ZPR1: variants seen among roughly 807,000 people sequenced by gnomAD.
ZPR1 encodes the protein ZPR1 zinc finger, also known as zinc finger protein ZPR1.
In ZPR1, 37 loss-of-function variants were observed where a neutral mutation model predicts 59.6. The ratio of observed to expected loss-of-function variants is 0.62; its 90% confidence interval spans 0.48 to 0.82. ZPR1 has a LOEUF of 0.82. ZPR1 is among the 40% of genes least tolerant of loss of function. The pLI, the probability that ZPR1 is intolerant of heterozygous loss-of-function variation, is 0.00. For synonymous variants in ZPR1, 191 were observed against 215.2 expected (o/e 0.89, Z 0.99); for missense variants, 527 against 579.9 (o/e 0.91, Z 0.94).
Position 116,787,812 on chromosome 11 carries a change from C to T in ZPR1, c.171+8G>A. ...CACCCGCCGCTCGCGGCCGCGCCCC[C>T]GCCTCACATTGCAGTAACAGTTCAT... is the stretch of plus-strand genomic sequence containing the variant. On this transcript the variant is annotated splice_region_variant and intron_variant, in intron 1 of 13. Coordinates refer to ENST00000227322, the MANE Select transcript of ZPR1 (RefSeq NM_003904.5). 2 of 1,551,840 alleles carry T rather than the reference C, an allele frequency of 1.3e-6. No homozygotes were observed. Among genetic ancestry groups the T allele is most frequent in the South Asian group, 2.4e-5 (2 of 84,538 alleles).
intron 8 of ZPR1, 114 bp downstream of exon 8, chr11:116,784,737 TCTTC>T (rs745871206): frequency 9.2e-7 from 1 of 1,089,610 alleles, no homozygotes; most frequent in East Asian, 2.5e-5. Context: ...AAAGATAATA[TCTTC>T]CTTATCACTG....
intron 3 of ZPR1, 88 bp from the exon 4 acceptor site, chr11:116,786,669 C>T: frequency 8.7e-7 from 1 of 1,143,084 alleles, no homozygotes; most frequent in Non-Finnish European, 1.3e-6. Context: ...CACTTGAACT[C>T]TCTGGGTCTT....
chr11:116,784,455 A>G lies in ZPR1; in HGVS notation c.821-7T>C. 1 of 1,614,078 alleles carries G rather than the reference A, an allele frequency of 6.2e-7. No homozygotes were observed. The highest frequency in any genetic ancestry group is 8.5e-7 in the Non-Finnish European group (1 of 1,179,924). Reference sequence around the variant, plus strand: ...TCCTTAAAGTGAGGGATTTCTGGAAAACGGAGTTAAGGAAATCTACTTCCA... The same window carrying G: ...TCCTTAAAGTGAGGGATTTCTGGAAGACGGAGTTAAGGAAATCTACTTCCA... On this transcript the variant is annotated splice_region_variant and splice_polypyrimidine_tract_variant and intron_variant, in intron 8 of 13. Transcript: ENST00000227322.
intron 8 of ZPR1, 54 bp from the exon 9 acceptor site, chr11:116,784,502 G>A: frequency 1.3e-6 from 2 of 1,552,214 alleles, no homozygotes; most frequent in Non-Finnish European, 1.8e-6. Flanking sequence ...CCACCATCTG[G>A]GGAAAAACAA....
intron 13 of ZPR1, 102 bp from the exon 14 acceptor site, chr11:116,779,161 T>A: frequency 6.6e-7 from 1 of 1,504,984 alleles, no homozygotes. Flanking sequence ...AGTTTTGGGT[T>A]TTTTTCTTTT....
intron 10 of ZPR1, 102 bp downstream of exon 10, chr11:116,783,428 C>T: frequency 9.8e-7 from 1 of 1,019,428 alleles, no homozygotes; most frequent in African/African-American, 1.6e-5. Context: ...TAGGAGATAC[C>T]TCATGTCCCT....
chr11:116,786,826 A>G, intron 3 of ZPR1, 143 bp downstream of exon 3: 1 of 767,696 alleles, frequency 1.3e-6, no homozygotes, highest in Middle Eastern at 3.7e-4. Flanking sequence ...CTTTCCACTC[A>G]TGATTAACTA....
chr11:116,785,259 G>T, intron 6 of ZPR1, 113 bp from the exon 7 acceptor site: 1 of 1,255,064 alleles, frequency 8.0e-7, no homozygotes, highest in Non-Finnish European at 1.1e-6. Context: ...TATGTCAGGT[G>T]CCACCTCATC....
At position 116,787,959 on chromosome 11, in the gene ZPR1, G is replaced by A. The variant is rs754460736; in HGVS notation, c.32C>T (p.Pro11Leu). 1.2e-5 allele frequency: 17 copies of A among 1,455,566 alleles called. No individual in the cohort carries two copies. Among genetic ancestry groups the A allele is most frequent in the Non-Finnish European group, 1.2e-5 (13 of 1,114,694 alleles). The allele number at this position is 1,455,566 out of a possible 1,614,324, so 90.2% of individuals were successfully genotyped here. A position where few individuals can be genotyped will look rare whatever the true frequency, so the allele number is the denominator to read the frequency against. ...CGACGGGGCGACGGCAGCCCCCGGG[G>A]GCCCTGGTTCCACAGCCCCGCTGGC... is the stretch of plus-strand genomic sequence containing the variant. MAASGAVEPG[P>L]PGAAVAPSPA... The change falls in exon 1 of 14, where the codon CCC becomes CTC. Residue 11 changes from proline to leucine, a missense_variant. Coordinates refer to ENST00000227322, the MANE Select transcript of ZPR1 (RefSeq NM_003904.5).
chr11:116,785,984 C>T, intron 4 of ZPR1, 102 bp from the exon 5 acceptor site: 1 of 999,696 alleles, frequency 1.0e-6, no homozygotes, highest in Non-Finnish European at 1.6e-6. Flanking sequence ...CCACCTATCT[C>T]AGTGTGAGTG....
chr11:116,787,931 G>C lies in ZPR1; in HGVS notation c.60C>G (p.Pro20=). Residue 20 remains proline, a synonymous_variant, in exon 1 of 14, where the codon CCC becomes CCG. Transcript: ENST00000227322. ...GPPGAAVAPS[P]APAPPPAPDH... is the part of the protein sequence containing the mutation. The stretch of plus-strand genomic sequence containing the variant: ...CAGGGGCAGGCGGCGGGGCCGGGGC[G>C]GGCGACGGGGCGACGGCAGCCCCCG... 2 of 1,478,552 alleles carry C rather than the reference G, an allele frequency of 1.4e-6. No individual in the cohort carries two copies. The highest frequency in any genetic ancestry group is 1.8e-6 in the Non-Finnish European group (2 of 1,122,202). 91.6% of individuals were successfully genotyped at this position (1,478,552 alleles called of 1,614,324 possible).
At position 116,774,896 on chromosome 11, in the gene ZPR1, T is replaced by C. The variant is rs1279163430; in HGVS notation, c.*4029A>G. ...AGCCCTCTGAACTTCCACCCACCCATCTTCTGCCCATTTGTTTTCTTTGTC... is the reference window on the plus strand; with the variant it reads ...AGCCCTCTGAACTTCCACCCACCCACCTTCTGCCCATTTGTTTTCTTTGTC... On this transcript the variant is annotated 3_prime_UTR_variant, in exon 14 of 14. Transcript: ENST00000227322. 1 of 152,444 alleles carries C rather than the reference T, an allele frequency of 6.6e-6. No individual in the cohort carries two copies. The highest frequency in any genetic ancestry group is 2.4e-5 in the African/African-American group (1 of 41,440). The allele number at this position is 152,444 out of a possible 1,614,324, so 9.4% of individuals were successfully genotyped here.
rs1188315002 is a variant in ZPR1, at chr11:116,786,425, C to T, written c.495+86G>A. 5 of 1,487,506 alleles carry T rather than the reference C, an allele frequency of 3.4e-6. No individual in the cohort carries two copies. The African/African-American group carries it at 6.9e-5, about 21-fold the overall frequency. The allele number at this position is 1,487,506 out of a possible 1,614,324, so 92.1% of individuals were successfully genotyped here. A position where few individuals can be genotyped will look rare whatever the true frequency, so the allele number is the denominator to read the frequency against. ...ATGCTTACCCAGCAAGTTTCCAACA[C>T]TTAGTCAGAGACTCTTCAGACACAT... On this transcript the variant is annotated intron_variant, in intron 4 of 13. Coordinates refer to ENST00000227322, the MANE Select transcript of ZPR1 (RefSeq NM_003904.5).
intron 9 of ZPR1, 26 bp downstream of exon 9, chr11:116,784,352 C>A: frequency 6.2e-7 from 1 of 1,612,724 alleles, no homozygotes; most frequent in African/African-American, 1.3e-5. Context: ...AGCTAGTCTT[C>A]TTCCCAAATA....
At chr11:116,785,455 A>T (rs1211805092) in intron 6 of ZPR1, 59 bp downstream of exon 6, 5 of 1,593,666 alleles carry the variant, frequency 3.1e-6, no homozygotes, top group Admixed American at 1.8e-5. Flanking sequence ...ACTGACTCCA[A>T]GCAATCCAGA....
Position 116,783,594 on chromosome 11 carries a change from G to T in ZPR1, c.917C>A (p.Pro306His). 1 of 1,614,080 alleles carries T rather than the reference G, an allele frequency of 6.2e-7. No individual in the cohort carries two copies. The highest frequency in any genetic ancestry group is 8.5e-7 in the Non-Finnish European group (1 of 1,180,004). Residue 306 changes from proline (P) to histidine (H), a missense_variant, in exon 10 of 14, where the codon CCC becomes CAC. Coordinates refer to ENST00000227322, the MANE Select transcript of ZPR1 (RefSeq NM_003904.5). ...NEVKSGGAVE[P>H]LGTRITLHIT... ...GTGGAGGGTGATCCTGGTGCCCAAG[G>T]GTTCTACTGCTCCTCCAGATTTCAC...
In ZPR1 at chr11:116,773,818, A is replaced by G; in HGVS notation, c.*5107T>C. ...CTCAAGTTTTGGGGGGAAAGAAAAG[A>G]CTTTATTCTTTGCAGGGGGTTTAGA... On this transcript the variant is annotated 3_prime_UTR_variant, in exon 14 of 14. Coordinates refer to ENST00000227322, the MANE Select transcript of ZPR1 (RefSeq NM_003904.5). 1 of 152,188 alleles carries G rather than the reference A, an allele frequency of 6.6e-6. No individual in the cohort carries two copies. The highest frequency in any genetic ancestry group is 1.9e-4 in the East Asian group (1 of 5,204). 9.4% of individuals were successfully genotyped at this position (152,188 alleles called of 1,614,324 possible). A position where few individuals can be genotyped will look rare whatever the true frequency, so the allele number is the denominator to read the frequency against.
intron 11 of ZPR1, among the ~76,000 whole-genome samples, chr11:116,782,469 G>A (rs78359532): frequency 6.6e-6 from 1 of 152,158 alleles, no homozygotes; most frequent in African/African-American, 2.4e-5. Context: ...CATGTTCTTA[G>A]AATATGATCT....
chr11:116,785,323 A>T (rs537269195), intron 6 of ZPR1, among the ~76,000 whole-genome samples, 177 bp from the exon 7 acceptor site: 1 of 152,308 alleles, frequency 6.6e-6, no homozygotes, highest in South Asian at 2.1e-4. Flanking sequence ...AGGACTTAAG[A>T]TAGGATCACA....
Sources: gnomAD v4.1 joint callset for allele counts (sites outside exome capture counted in the v4.1 genomes callset) on GRCh38, gnomAD v4.1.1 for gene constraint, MANE v1.5 for transcripts, NCBI Gene and HGNC (gene_info 2026-07-23, HGNC 2026-07-21) for gene names.